NKAIN3: variants seen among roughly 807,000 people sequenced by gnomAD.
NKAIN3 encodes sodium/potassium transporting ATPase interacting 3, also known as sodium/potassium-transporting ATPase subunit beta-1-interacting protein 3.
NKAIN3 carries 25 observed loss-of-function variants against 30.2 expected under a neutral mutation model. The observed-to-expected ratio is 0.83, with a 90% CI of 0.60 to 1.16. The LOEUF (loss-of-function observed/expected upper bound fraction) is 1.16. NKAIN3 is among the 50% of genes most tolerant of loss of function. NKAIN3 has a pLI of 0.00. For missense variants in NKAIN3, 225 were observed against 254.1 expected (o/e 0.89, Z 0.78); for synonymous variants, 91 against 89.6 (o/e 1.02, Z -0.09).
At chr8:62,440,987 G>A (rs902888052) in intron 1 of NKAIN3, among the ~76,000 whole-genome samples, 2 of 151,958 alleles carry the variant, frequency 1.3e-5, no homozygotes, top group Non-Finnish European at 2.9e-5. Flanking sequence ...CATGTTACCC[G>A]CCTCCATTTT....
At chr8:62,876,311 C>T (rs1820791495) in intron 4 of NKAIN3, among the ~76,000 whole-genome samples, 1 of 152,070 alleles carries the variant, frequency 6.6e-6, no homozygotes, top group Non-Finnish European at 1.5e-5. Flanking sequence ...AGTCAGGAAA[C>T]AATAGATACT....
intron 1 of NKAIN3, among the ~76,000 whole-genome samples, chr8:62,505,071 G>A (rs976847559): frequency 6.6e-6 from 1 of 152,072 alleles, no homozygotes; most frequent in Admixed American, 6.6e-5. Flanking sequence ...CTAGATAAAG[G>A]CAATAAAGGT....
chr8:62,262,472 A>G (rs1406116028), intron 1 of NKAIN3, among the ~76,000 whole-genome samples: 1 of 152,148 alleles, frequency 6.6e-6, no homozygotes, highest in Non-Finnish European at 1.5e-5. Context: ...AGTTTAAGCC[A>G]CTAATTCTTT....
At chr8:62,522,008 G>C (rs1808174803) in intron 1 of NKAIN3, among the ~76,000 whole-genome samples, 1 of 152,044 alleles carries the variant, frequency 6.6e-6, no homozygotes, top group Non-Finnish European at 1.5e-5. Flanking sequence ...GGCAATGTCA[G>C]CTAAATTGCC....
intron 4 of NKAIN3, among the ~76,000 whole-genome samples, chr8:62,845,425 A>G (rs1030742649): frequency 2.0e-5 from 3 of 151,286 alleles, no homozygotes; most frequent in African/African-American, 7.3e-5. Context: ...GGACTTCTTT[A>G]GCTCACTTGT....
intron 1 of NKAIN3, among the ~76,000 whole-genome samples, chr8:62,255,496 G>A (rs1812235836): frequency 6.6e-6 from 1 of 152,152 alleles, no homozygotes; most frequent in Non-Finnish European, 1.5e-5. Context: ...AGAACTATGA[G>A]ATAAGTTGCT....
rs1823821547 is a variant in NKAIN3, at chr8:62,971,055, CA to C, written c.*5650del. On this transcript the variant is annotated 3_prime_UTR_variant, in exon 7 of 7. Coordinates refer to ENST00000623646, the MANE Select transcript of NKAIN3 (RefSeq NM_001304533.3). The stretch of plus-strand genomic sequence containing the variant: ...GAGCCGGATGTGATTTCCCTAGAGA[CA>C]AGGACCGAGACTCCTCTCATTGCTT... Among the ~76,000 whole-genome samples the C allele has an allele frequency of 1.0e-5, 1 of 98,126 alleles. No individual in the cohort carries two copies. Among genetic ancestry groups the C allele is most frequent in the Non-Finnish European group, 2.0e-5 (1 of 50,878 alleles). 64.4% of individuals were successfully genotyped at this position (98,126 alleles called of 152,430 possible). A position where few individuals can be genotyped will look rare whatever the true frequency, so the allele number is the denominator to read the frequency against.
chr8:62,773,560 C>T (rs1817090385), intron 4 of NKAIN3, among the ~76,000 whole-genome samples: 1 of 152,052 alleles, frequency 6.6e-6, no homozygotes, highest in South Asian at 2.1e-4. Flanking sequence ...AATTGTAATG[C>T]CATAATTCCC....
chr8:62,262,031 G>A (rs1457822410), intron 1 of NKAIN3, among the ~76,000 whole-genome samples: 1 of 152,010 alleles, frequency 6.6e-6, no homozygotes, highest in African/African-American at 2.4e-5. Flanking sequence ...TATTGTGACT[G>A]CATTAAAAAA....
chr8:62,872,263 A>T (rs1382602592), intron 4 of NKAIN3, among the ~76,000 whole-genome samples: 4 of 152,244 alleles, frequency 2.6e-5, no homozygotes, highest in African/African-American at 9.6e-5. Context: ...CCTGTTGTTA[A>T]GCAATGCATG....
intron 3 of NKAIN3, among the ~76,000 whole-genome samples, chr8:62,709,767 G>A: frequency 6.6e-6 from 1 of 151,908 alleles, no homozygotes; most frequent in East Asian, 1.9e-4. Flanking sequence ...GCTGGGTTTG[G>A]ATTTGGTTTG....
chr8:62,534,106 C>T (rs1808573633), intron 1 of NKAIN3, among the ~76,000 whole-genome samples: 1 of 152,136 alleles, frequency 6.6e-6, no homozygotes, highest in African/African-American at 2.4e-5. Flanking sequence ...GTCTGATGAT[C>T]TTCCTGCCTG....
At chr8:62,557,029 GCACC>G (rs1809419394) in intron 1 of NKAIN3, among the ~76,000 whole-genome samples, 1 of 151,940 alleles carries the variant, frequency 6.6e-6, no homozygotes, top group Admixed American at 6.6e-5. Context: ...AGATTTTGGT[GCACC>G]CATCACCTGA....
At chr8:62,475,178 C>T (rs945789549) in intron 1 of NKAIN3, among the ~76,000 whole-genome samples, 2 of 152,140 alleles carry the variant, frequency 1.3e-5, no homozygotes, top group African/African-American at 2.4e-5. Flanking sequence ...AGAACCTCAG[C>T]TCTCCTCTGT....
chr8:62,775,863 T>C (rs1817177142), intron 4 of NKAIN3, among the ~76,000 whole-genome samples: 1 of 152,146 alleles, frequency 6.6e-6, no homozygotes, highest in Non-Finnish European at 1.5e-5. Flanking sequence ...TCTATCTGGA[T>C]AATCTGTCCA....
intron 4 of NKAIN3, among the ~76,000 whole-genome samples, chr8:62,884,668 A>G (rs1821091770): frequency 6.6e-6 from 1 of 152,132 alleles, no homozygotes; most frequent in African/African-American, 2.4e-5. Flanking sequence ...CGTTTCTTTA[A>G]TAGATATAGC....
Position 62,579,611 on chromosome 8 carries a change from C to G in NKAIN3, c.127C>G (p.His43Asp). The change falls in exon 2 of 7, where the codon CAC becomes GAC. Residue 43 changes from histidine to aspartate, a missense_variant. Physicochemically the swap from His to Asp is moderately conservative, Grantham distance 81. Coordinates refer to ENST00000623646, the MANE Select transcript of NKAIN3 (RefSeq NM_001304533.3). ...GGCGCCTATTCTTGGAAATTTTCTA[C>G]ACATAATAGTTGTCATATTGGGTTT... Reference protein sequence around the residue: ...QWAPILGNFLHIIVVILGLFG... With the variant: ...QWAPILGNFLDIIVVILGLFG... The G allele has an allele frequency of 6.2e-7, 1 of 1,609,248 alleles. No individual in the cohort carries two copies. Among genetic ancestry groups the G allele is most frequent in the Non-Finnish European group, 8.5e-7 (1 of 1,176,290 alleles).
chr8:62,454,495 T>C (rs187294484), intron 1 of NKAIN3, among the ~76,000 whole-genome samples: 1 of 151,882 alleles, frequency 6.6e-6, no homozygotes, highest in Admixed American at 6.6e-5. Flanking sequence ...TCCTGCCCTA[T>C]AATTTTTATT....
At chr8:62,290,458 A>G (rs1274948311) in intron 1 of NKAIN3, among the ~76,000 whole-genome samples, 1 of 152,108 alleles carries the variant, frequency 6.6e-6, no homozygotes, top group East Asian at 1.9e-4. Flanking sequence ...ATGAAGGGCT[A>G]TTGAATTTTG....
Sources: gnomAD v4.1 joint callset for allele counts (sites outside exome capture counted in the v4.1 genomes callset) on GRCh38, gnomAD v4.1.1 for gene constraint, MANE v1.5 for transcripts, NCBI Gene and HGNC (gene_info 2026-07-23, HGNC 2026-07-21) for gene names.